TMEM132D: variants seen among roughly 807,000 people sequenced by gnomAD.
TMEM132D encodes the protein mature OL transmembrane protein.
In TMEM132D, 21 loss-of-function variants were observed where a neutral mutation model predicts 62.3. That is an observed-to-expected ratio of 0.34 (90% CI 0.24 to 0.49). TMEM132D has a LOEUF of 0.49. TMEM132D is among the 20% of genes least tolerant of loss of function. TMEM132D has a pLI of 0.99. For synonymous variants in TMEM132D, 621 were observed against 575.6 expected, an observed-to-expected ratio of 1.08 and a Z score of -1.13; for missense variants, 1,346 against 1,402.8, an observed-to-expected ratio of 0.96 and a Z score of 0.65.
At chr12:129,360,029 T>G (rs1870196886) in intron 3 of TMEM132D, among the ~76,000 whole-genome samples, 1 of 151,252 alleles carries the variant, frequency 6.6e-6, no homozygotes, top group Non-Finnish European at 1.5e-5. Context: ...TTTTTTCAGA[T>G]GAGCTATGGG....
intron 5 of TMEM132D, among the ~76,000 whole-genome samples, chr12:129,141,875 A>C (rs1292318720): frequency 1.3e-5 from 2 of 151,812 alleles, no homozygotes; most frequent in Non-Finnish European, 2.9e-5. Flanking sequence ...ATCATGCAAT[A>C]TACACATGCA....
intron 3 of TMEM132D, among the ~76,000 whole-genome samples, chr12:129,395,941 A>C (rs990209786): frequency 6.9e-6 from 1 of 145,768 alleles, no homozygotes; most frequent in African/African-American, 2.5e-5. Context: ...ACTATATATA[A>C]TGTATTATAA....
intron 2 of TMEM132D, among the ~76,000 whole-genome samples, chr12:129,618,117 G>T (rs1028327129): frequency 3.3e-5 from 5 of 152,192 alleles, no homozygotes; most frequent in African/African-American, 1.2e-4. Flanking sequence ...GCCTGGAGGC[G>T]TAAAATTTAA....
chr12:129,613,736 GGACTGTCTCCAGAACCAAGGT>G (rs761412872), intron 2 of TMEM132D, among the ~76,000 whole-genome samples: 7,732 of 151,620 alleles, frequency 0.051, 282 homozygotes, highest in South Asian at 0.11. Context: ...AGAACCCAGG[GGACTGTCTCCAGAACCAAGGT>G]GACTGTCTCC....
intron 2 of TMEM132D, among the ~76,000 whole-genome samples, chr12:129,582,983 G>T (rs1206877952): frequency 6.6e-6 from 1 of 151,998 alleles, no homozygotes; most frequent in African/African-American, 2.4e-5. Flanking sequence ...AGGCTGGAGT[G>T]CAGTGGCACG....
chr12:129,741,282 C>G (rs1396770171), intron 1 of TMEM132D, among the ~76,000 whole-genome samples: 1 of 152,206 alleles, frequency 6.6e-6, no homozygotes, highest in East Asian at 1.9e-4. Context: ...CTTGACTTCT[C>G]TCTTAGTTTT....
intron 3 of TMEM132D, among the ~76,000 whole-genome samples, chr12:129,523,389 T>C (rs2137082824): frequency 6.6e-6 from 1 of 152,308 alleles, no homozygotes; most frequent in Non-Finnish European, 1.5e-5. Context: ...ATGAAGCATT[T>C]TGATGAACAC....
chr12:129,518,495 TTGTG>T (rs139644995), intron 3 of TMEM132D, among the ~76,000 whole-genome samples: 11 of 150,600 alleles, frequency 7.3e-5, no homozygotes, highest in South Asian at 4.3e-4. Context: ...CTTGACTATA[TTGTG>T]TGTGTGTGTG....
At chr12:129,114,490 A>G (rs1363094006) in intron 5 of TMEM132D, among the ~76,000 whole-genome samples, 1 of 145,794 alleles carries the variant, frequency 6.9e-6, no homozygotes, top group Non-Finnish European at 1.5e-5. Context: ...TCCTCCTTTT[A>G]TTACTGTAAA....
At chr12:129,457,316 C>A (rs1380899271) in intron 3 of TMEM132D, among the ~76,000 whole-genome samples, 1 of 151,124 alleles carries the variant, frequency 6.6e-6, no homozygotes, top group Non-Finnish European at 1.5e-5. Flanking sequence ...TGGAAACCAT[C>A]ATTCTCAGCA....
chr12:129,587,631 C>T (rs958304911), intron 2 of TMEM132D, among the ~76,000 whole-genome samples: 8 of 152,154 alleles, frequency 5.3e-5, no homozygotes, highest in Non-Finnish European at 8.8e-5. Context: ...AGATGCCTAG[C>T]TTTCTCCTGA....
intron 2 of TMEM132D, among the ~76,000 whole-genome samples, chr12:129,573,786 A>C (rs1323409497): frequency 6.6e-6 from 1 of 152,054 alleles, no homozygotes; most frequent in South Asian, 2.1e-4. Context: ...TGTCTTCCAC[A>C]TGCAACTACA....
chr12:129,470,441 C>T (rs1176154055), intron 3 of TMEM132D, among the ~76,000 whole-genome samples: 1 of 152,278 alleles, frequency 6.6e-6, no homozygotes, highest in African/African-American at 2.4e-5. Context: ...TTGTGAAGCC[C>T]TCCCTACTTT....
chr12:129,075,439 C>A (rs998480857), intron 8 of TMEM132D, among the ~76,000 whole-genome samples: 5 of 151,884 alleles, frequency 3.3e-5, no homozygotes, highest in Non-Finnish European at 7.4e-5. Context: ...TTAGTGGAAT[C>A]ATTTACAAGT....
intron 2 of TMEM132D, among the ~76,000 whole-genome samples, chr12:129,685,828 C>T (rs1016136617): frequency 2.6e-4 from 39 of 152,188 alleles, no homozygotes; most frequent in Non-Finnish European, 1.2e-4. Context: ...CCTCTTGCAT[C>T]AGTGTGATCT....
chr12:129,298,032 TG>T (rs1881619167), intron 4 of TMEM132D, among the ~76,000 whole-genome samples: 1 of 152,090 alleles, frequency 6.6e-6, no homozygotes, highest in Non-Finnish European at 1.5e-5. Flanking sequence ...TGGGGAGACA[TG>T]GAAACATTTG....
At chr12:129,495,099 T>G (rs1308440651) in intron 3 of TMEM132D, among the ~76,000 whole-genome samples, 1 of 151,806 alleles carries the variant, frequency 6.6e-6, no homozygotes, top group African/African-American at 2.4e-5. Flanking sequence ...TCAGCAGAGG[T>G]TGGCTCTGGT....
chr12:129,158,310 T>A (rs1349792052), intron 5 of TMEM132D, among the ~76,000 whole-genome samples: 1 of 151,874 alleles, frequency 6.6e-6, no homozygotes, highest in Non-Finnish European at 1.5e-5. Flanking sequence ...GGAGGCAAAA[T>A]GGATAAGAGG....
intron 3 of TMEM132D, among the ~76,000 whole-genome samples, chr12:129,401,568 TA>T (rs921334151): frequency 1.3e-5 from 2 of 150,376 alleles, no homozygotes; most frequent in South Asian, 2.1e-4. Context: ...GACGCTGCCT[TA>T]AAAAAAAAGA....
Sources: gnomAD v4.1 joint callset for allele counts (sites outside exome capture counted in the v4.1 genomes callset) on GRCh38, gnomAD v4.1.1 for gene constraint, MANE v1.5 for transcripts, NCBI Gene and HGNC (gene_info 2026-07-23, HGNC 2026-07-21) for gene names.